Variants in DMD observed in about 807,000 individuals in gnomAD.
DMD encodes mutant dystrophin.
A neutral mutation model predicts 330.1 loss-of-function variants in DMD; 63 were observed. The observed-to-expected ratio is 0.19, with a 90% confidence interval of 0.16 to 0.24. The LOEUF is 0.24. Among genes scored for constraint, DMD ranks in the 10% least tolerant of loss-of-function variants. The pLI is 1.00. For synonymous variants in DMD, 1,223 were observed against 959.8 expected (o/e 1.27, Z -5.07); for missense variants, 3,344 against 2,684.1 (o/e 1.25, Z -5.43).
Position 32,448,464 on chromosome X carries a change from T to C in DMD, c.3778A>G (p.Thr1260Ala), listed in dbSNP as rs886043957. 8.3e-7 allele frequency: 1 copy of C among 1,208,173 alleles called. No individual in the cohort carries two copies. Among genetic ancestry groups the C allele is most frequent in the Admixed American group, 2.2e-5 (1 of 45,860 alleles). ...LCTRLNGKCK[T>A]LEEVWACWHE... ...CAAGAAAAGCAACTGACTTCCAAAG[T>C]CTTGCATTTCCCATTCAGCCTAGTG... The change falls in exon 27 of 79, where the codon ACT becomes GCT. Residue 1260 changes from threonine (T) to alanine (A), a missense_variant. By Grantham distance (58) the Thr-to-Ala change is moderately conservative. Transcript: ENST00000357033.
intron 7 of DMD, among the ~76,000 whole-genome samples, chrX:32,782,545 T>C (rs987481293): frequency 1.2e-4 from 13 of 111,218 alleles, no homozygotes; most frequent in African/African-American, 4.3e-4. Flanking sequence ...GGCCAGTCAT[T>C]GTCAAGTTCT....
chrX:32,800,406 T>C (rs1455146251), intron 7 of DMD, among the ~76,000 whole-genome samples: 1 of 111,508 alleles, frequency 9.0e-6, no homozygotes, highest in African/African-American at 3.3e-5. Context: ...CTTTGAATCA[T>C]CATTGAGATT....
chrX:32,718,593 G>A (rs1195004186), intron 7 of DMD, among the ~76,000 whole-genome samples: 1 of 112,115 alleles, frequency 8.9e-6, no homozygotes, highest in Non-Finnish European at 1.9e-5. Context: ...ACCTTTCTCA[G>A]GACTTGGTAA....
At chrX:33,206,282 A>T (rs1389693360) in intron 1 of DMD, among the ~76,000 whole-genome samples, 37 of 112,142 alleles carry the variant, frequency 3.3e-4, no homozygotes, top group African/African-American at 1.2e-3. Flanking sequence ...TTTATGGACA[A>T]TTATTTTCTT....
chrX:31,318,975 G>T, intron 62 of DMD, among the ~76,000 whole-genome samples: 1 of 112,203 alleles, frequency 8.9e-6, no homozygotes. Context: ...ACTTTTGCTG[G>T]TATTACAGAA....
intron 63 of DMD, among the ~76,000 whole-genome samples, chrX:31,244,688 A>C (rs2048665211): frequency 8.9e-6 from 1 of 112,103 alleles, no homozygotes; most frequent in Admixed American, 9.5e-5. Context: ...CACTTTAAAC[A>C]TTCTATTATC....
intron 15 of DMD, among the ~76,000 whole-genome samples, chrX:32,566,315 G>A (rs955405122): frequency 3.6e-5 from 4 of 112,030 alleles, no homozygotes; most frequent in African/African-American, 1.3e-4. Context: ...AAGCTAGTGA[G>A]CTGAGAAAAT....
At chrX:31,422,398 T>C (rs1238557353) in intron 60 of DMD, among the ~76,000 whole-genome samples, 1 of 111,495 alleles carries the variant, frequency 9.0e-6, no homozygotes, top group Non-Finnish European at 1.9e-5. Context: ...TTTAACTTCC[T>C]ACTCTATGTT....
intron 43 of DMD, among the ~76,000 whole-genome samples, chrX:32,244,197 G>T (rs1436915797): frequency 3.0e-5 from 3 of 100,315 alleles, no homozygotes; most frequent in African/African-American, 1.1e-4. Context: ...ACCTATGAGT[G>T]AGAATATGCA....
At chrX:31,731,782 T>C (rs1449855305) in intron 51 of DMD, among the ~76,000 whole-genome samples, 1 of 111,707 alleles carries the variant, frequency 9.0e-6, no homozygotes, top group East Asian at 2.8e-4. Flanking sequence ...AACCAGATTT[T>C]TTTTGCTTCT....
intron 62 of DMD, among the ~76,000 whole-genome samples, chrX:31,297,244 A>T (rs1225836100): frequency 3.6e-5 from 4 of 110,441 alleles, no homozygotes; most frequent in African/African-American, 1.3e-4. Flanking sequence ...ACCTTGTCTG[A>T]TGCCCTGTAT....
chrX:32,870,301 G>A (rs1235743623), intron 2 of DMD, among the ~76,000 whole-genome samples: 1 of 111,558 alleles, frequency 9.0e-6, no homozygotes, highest in African/African-American at 3.3e-5. Flanking sequence ...CAAACAAATG[G>A]AAGAACATTC....
chrX:31,959,874 C>G (rs970457438), intron 45 of DMD, among the ~76,000 whole-genome samples: 6 of 105,559 alleles, frequency 5.7e-5, no homozygotes, highest in Non-Finnish European at 1.2e-4. Context: ...GAGCAACTCT[C>G]CCACCTCAGA....
chrX:33,009,294 A>G lies in DMD; in HGVS notation c.93+10845T>C, dbSNP rs1389789600. Among the ~76,000 whole-genome samples the G allele has an allele frequency of 6.2e-4, 19 of 30,470 alleles. 5 individuals are homozygous for G. The highest frequency in any genetic ancestry group is 1.4e-3 in the East Asian group (1 of 724). 26.5% of individuals were successfully genotyped at this position (30,470 alleles called of 115,157 possible). A position where few individuals can be genotyped will look rare whatever the true frequency, so the allele number is the denominator to read the frequency against. On this transcript the variant is annotated intron_variant, in intron 2 of 78. Coordinates refer to ENST00000357033, the MANE Select transcript of DMD (RefSeq NM_004006.3). ...TATACACATATGTGTATGTGTGTATATGTGTATATACACATGTGTGTATAT... is the reference window on the plus strand; with the variant it reads ...TATACACATATGTGTATGTGTGTATGTGTGTATATACACATGTGTGTATAT...
At chrX:31,922,533 C>G (rs773325546) in intron 47 of DMD, among the ~76,000 whole-genome samples, 1 of 81,934 alleles carries the variant, frequency 1.2e-5, no homozygotes, top group Admixed American at 1.1e-4. Flanking sequence ...TGTGCGCGCG[C>G]GTGCGCTAGG....
At chrX:32,790,395 G>A (rs746749700) in intron 7 of DMD, among the ~76,000 whole-genome samples, 13 of 111,200 alleles carry the variant, frequency 1.2e-4, no homozygotes, top group African/African-American at 2.6e-4. Flanking sequence ...CCTTCAACCC[G>A]TGTGGGCCCC....
intron 7 of DMD, among the ~76,000 whole-genome samples, chrX:32,799,349 T>C (rs993800173): frequency 9.0e-6 from 1 of 111,597 alleles, no homozygotes; most frequent in Non-Finnish European, 1.9e-5. Context: ...CCTTCCTTTT[T>C]TGGTCAAATT....
chrX:32,930,599 A>G (rs189324118), intron 2 of DMD, among the ~76,000 whole-genome samples: 1 of 110,565 alleles, frequency 9.0e-6, no homozygotes, highest in Non-Finnish European at 1.9e-5. Context: ...AGCATTCAAG[A>G]TTTCAGAAAC....
At chrX:32,578,170 T>G (rs1228340991) in intron 13 of DMD, among the ~76,000 whole-genome samples, 1 of 110,398 alleles carries the variant, frequency 9.1e-6, no homozygotes, top group East Asian at 2.8e-4. Context: ...AGAACCACTG[T>G]ATTAGGATTA....
Sources: allele counts gnomAD v4.1 joint callset (sites outside exome capture counted in the v4.1 genomes callset), GRCh38; gene constraint gnomAD v4.1.1; transcripts MANE v1.5; gene names NCBI Gene and HGNC (gene_info 2026-07-23, HGNC 2026-07-21).